The following CAMK1D variants were observed in gnomAD, a reference collection of about 807,000 sequenced individuals.
CAMK1D encodes the protein calcium/calmodulin dependent protein kinase ID.
A neutral mutation model predicts 47.7 loss-of-function variants in CAMK1D; 9 were observed. The ratio of observed to expected loss-of-function variants is 0.19; its 90% CI spans 0.11 to 0.33. CAMK1D has a LOEUF of 0.33. Ranked by LOEUF, CAMK1D falls within the 10% of genes least tolerant of loss-of-function variation. CAMK1D has a pLI of 1.00. For synonymous variants in CAMK1D, 184 were observed against 184.9 expected, an observed-to-expected ratio of 0.99 and a Z score of 0.04; for missense variants, 291 against 488.7, an observed-to-expected ratio of 0.60 and a Z score of 3.81.
intron 1 of CAMK1D, among the ~76,000 whole-genome samples, chr10:12,441,266 C>T (rs1462713178): frequency 3.3e-5 from 5 of 152,118 alleles, no homozygotes; most frequent in Admixed American, 6.6e-5. Context: ...GGTGCGACCT[C>T]GGCTCACTGC....
At chr10:12,778,694 T>C (rs1382758803) in intron 5 of CAMK1D, among the ~76,000 whole-genome samples, 1 of 151,780 alleles carries the variant, frequency 6.6e-6, no homozygotes, top group Non-Finnish European at 1.5e-5. Context: ...CTGGGCAACA[T>C]AGTAAGACCC....
chr10:12,392,103 G>A (rs954976194), intron 1 of CAMK1D, among the ~76,000 whole-genome samples: 4 of 152,008 alleles, frequency 2.6e-5, no homozygotes, highest in Non-Finnish European at 4.4e-5. Context: ...AGGAGTTCGA[G>A]ACCAGCCTGA....
chr10:12,652,175 A>T (rs1839991515), intron 2 of CAMK1D, among the ~76,000 whole-genome samples: 1 of 152,102 alleles, frequency 6.6e-6, no homozygotes, highest in African/African-American at 2.4e-5. Context: ...TTTTAATTTC[A>T]CTTTTGAATT....
chr10:12,369,204 C>T (rs928625922), intron 1 of CAMK1D, among the ~76,000 whole-genome samples: 1 of 152,176 alleles, frequency 6.6e-6, no homozygotes, highest in Admixed American at 6.6e-5. Flanking sequence ...CTGTTACCCC[C>T]ACTTAAATAT....
At chr10:12,408,266 A>G (rs1346324564) in intron 1 of CAMK1D, among the ~76,000 whole-genome samples, 1 of 151,672 alleles carries the variant, frequency 6.6e-6, no homozygotes, top group Non-Finnish European at 1.5e-5. Context: ...GGCTCACGCC[A>G]TACTCCTGCC....
At chr10:12,542,189 T>C (rs1378870481) in intron 1 of CAMK1D, among the ~76,000 whole-genome samples, 1 of 152,144 alleles carries the variant, frequency 6.6e-6, no homozygotes, top group Middle Eastern at 3.2e-3. Flanking sequence ...TTTTCAGTGT[T>C]TTAAAACCAG....
chr10:12,432,568 T>G (rs372396851), intron 1 of CAMK1D, among the ~76,000 whole-genome samples: 25 of 152,274 alleles, frequency 1.6e-4, no homozygotes, highest in South Asian at 1.0e-3. Flanking sequence ...TGTGAATGAA[T>G]GGGCAAATGA....
rs78452243 is a variant in CAMK1D at position 12,462,986 on chromosome 10, A to G, written c.93-90239A>G. On this transcript the variant is annotated intron_variant, in intron 1 of 10. Transcript: ENST00000619168. ...GAGCACTCTATCTGGGCTGGAAGAA[A>G]AAATGAGCATATGCCAGAGAATAAA... Among the ~76,000 whole-genome samples, 854 of 152,348 alleles carry G rather than the reference A, an allele frequency of 5.6e-3. 12 individuals carry two copies. Among genetic ancestry groups the G allele is most frequent in the African/African-American group, 0.019 (807 of 41,576 alleles).
chr10:12,417,834 C>T (rs1839907026), intron 1 of CAMK1D, among the ~76,000 whole-genome samples: 1 of 151,382 alleles, frequency 6.6e-6, no homozygotes, highest in Non-Finnish European at 1.5e-5. Context: ...TGGAGCCTCA[C>T]TCTGTCACCC....
At chr10:12,696,115 G>A (rs189336107) in intron 3 of CAMK1D, among the ~76,000 whole-genome samples, 18 of 151,746 alleles carry the variant, frequency 1.2e-4, no homozygotes, top group Middle Eastern at 3.5e-3. Flanking sequence ...TAAAATAAAC[G>A]AATATTATTT....
chr10:12,716,912 A>G (rs1426184113), intron 3 of CAMK1D, among the ~76,000 whole-genome samples: 2 of 152,198 alleles, frequency 1.3e-5, no homozygotes, highest in Non-Finnish European at 2.9e-5. Flanking sequence ...GAAAGCGTGA[A>G]CTGGCAGCAC....
At chr10:12,688,508 GTTT>G (rs551062540) in intron 3 of CAMK1D, among the ~76,000 whole-genome samples, 1 of 151,264 alleles carries the variant, frequency 6.6e-6, no homozygotes, top group Admixed American at 6.6e-5. Flanking sequence ...AATTTTACCA[GTTT>G]TTTTTTCTTG....
chr10:12,671,739 A>G (rs567981847), intron 3 of CAMK1D, among the ~76,000 whole-genome samples: 7 of 152,062 alleles, frequency 4.6e-5, no homozygotes, highest in Non-Finnish European at 8.8e-5. Flanking sequence ...ATATACAAAT[A>G]TCTTACCAGA....
intron 1 of CAMK1D, among the ~76,000 whole-genome samples, chr10:12,370,508 A>G (rs1837972559): frequency 6.6e-6 from 1 of 152,168 alleles, no homozygotes. Context: ...TCCATGCGTG[A>G]TACTGTGCGT....
At chr10:12,394,611 C>T (rs1838869611) in intron 1 of CAMK1D, among the ~76,000 whole-genome samples, 1 of 152,092 alleles carries the variant, frequency 6.6e-6, no homozygotes, top group Non-Finnish European at 1.5e-5. Context: ...CACAGGCAGA[C>T]ACCAAAGATA....
chr10:12,816,405 T>C, intron 8 of CAMK1D, 77 bp downstream of exon 8: 5 of 1,160,230 alleles, frequency 4.3e-6, no homozygotes, highest in Non-Finnish European at 6.3e-6. Context: ...CTGTTGGCCG[T>C]TGTCATTTAT....
At chr10:12,583,709 C>T (rs1276977113) in intron 2 of CAMK1D, among the ~76,000 whole-genome samples, 1 of 151,226 alleles carries the variant, frequency 6.6e-6, no homozygotes, top group Non-Finnish European at 1.5e-5. Context: ...TCAAGTGATT[C>T]TCCTGCCTCA....
intron 1 of CAMK1D, among the ~76,000 whole-genome samples, chr10:12,408,842 T>G (rs1040781194): frequency 8.5e-6 from 1 of 117,374 alleles, no homozygotes; most frequent in African/African-American, 3.0e-5. Context: ...ATTTCTTTCT[T>G]TCTTTCTTTT....
chr10:12,616,372 A>G (rs1360764024), intron 2 of CAMK1D, among the ~76,000 whole-genome samples: 1 of 152,240 alleles, frequency 6.6e-6, no homozygotes, highest in Non-Finnish European at 1.5e-5. Flanking sequence ...ACAGCGAGAC[A>G]GACTGTTCTA....
Sources: allele counts gnomAD v4.1 joint callset (sites outside exome capture counted in the v4.1 genomes callset), GRCh38; gene constraint gnomAD v4.1.1; transcripts MANE v1.5; gene names NCBI Gene and HGNC (gene_info 2026-07-23, HGNC 2026-07-21).